CERS3: variants seen among roughly 807,000 people sequenced by gnomAD.
The protein encoded by CERS3 is LAG1 homolog, ceramide synthase 3.
In CERS3, 33 loss-of-function variants were observed where a neutral mutation model predicts 50.3. That is an observed-to-expected ratio of 0.66 (90% CI 0.50 to 0.88). The LOEUF is 0.88. Ranked by LOEUF, CERS3 falls within the 40% of genes least tolerant of loss-of-function variation. The pLI is 0.00. For missense variants in CERS3, 470 were observed against 460.3 expected (o/e 1.02, Z -0.19); for synonymous variants, 176 against 155.2 (o/e 1.13, Z -0.99).
At chr15:100,444,235 CA>C (rs1399627219) in intron 11 of CERS3, among the ~76,000 whole-genome samples, 1 of 152,146 alleles carries the variant, frequency 6.6e-6, no homozygotes, top group Non-Finnish European at 1.5e-5. Context: ...TCATAACTTC[CA>C]AAATCTATTT....
chr15:100,436,943 T>C (rs1017194858), intron 11 of CERS3, among the ~76,000 whole-genome samples: 2 of 124,288 alleles, frequency 1.6e-5, no homozygotes, highest in South Asian at 2.6e-4. Flanking sequence ...CTTTCCTGAC[T>C]TTTTTTTTTT....
intron 5 of CERS3, among the ~76,000 whole-genome samples, chr15:100,483,756 A>G (rs1047226023): frequency 6.4e-5 from 8 of 124,780 alleles, no homozygotes; most frequent in Middle Eastern, 3.9e-3. Context: ...CATTGGCAGA[A>G]GGATCAATAA....
At chr15:100,477,845 T>C (rs1269520128) in intron 7 of CERS3, among the ~76,000 whole-genome samples, 1 of 152,184 alleles carries the variant, frequency 6.6e-6, no homozygotes, top group African/African-American at 2.4e-5. Flanking sequence ...CCCTAGAATA[T>C]GGGTAAGTTG....
rs541833197 is a variant in CERS3, at chr15:100,402,806, TTCTTCCTCTTCC to T, written c.1047_1058del (p.Glu352_Glu355del). On this transcript the variant is annotated inframe_deletion, in exon 12 of 12. Transcript: ENST00000679737. ...TCTCTTTGCCTTTGGTAGCCTCTTC[TTCTTCCTCTTCC>T]TCTTCCTCTTCATAATCCTCGTCAT... is the stretch of plus-strand genomic sequence containing the variant. 1 of 1,613,994 alleles carries T rather than the reference TTCTTCCTCTTCC, an allele frequency of 6.2e-7. No homozygotes were observed. Among genetic ancestry groups the T allele is most frequent in the East Asian group, 2.2e-5 (1 of 44,868 alleles).
intron 5 of CERS3, among the ~76,000 whole-genome samples, chr15:100,481,732 C>A (rs767157227): frequency 6.6e-6 from 1 of 152,140 alleles, no homozygotes; most frequent in Non-Finnish European, 1.5e-5. Flanking sequence ...ATAAAACTTA[C>A]GGAAGTTTGA....
intron 11 of CERS3, among the ~76,000 whole-genome samples, chr15:100,435,346 C>G (rs2033348456): frequency 6.6e-6 from 1 of 152,112 alleles, no homozygotes; most frequent in South Asian, 2.1e-4. Flanking sequence ...ATGCCAGCAG[C>G]CAGAACCTCT....
intron 11 of CERS3, among the ~76,000 whole-genome samples, chr15:100,447,985 G>A (rs1249056294): frequency 6.6e-5 from 10 of 152,218 alleles, no homozygotes; most frequent in Admixed American, 5.9e-4. Flanking sequence ...ATTATTTAGA[G>A]AAGATGTTTT....
At chr15:100,517,027 C>T (rs2036509388) in intron 2 of CERS3, among the ~76,000 whole-genome samples, 2 of 152,242 alleles carry the variant, frequency 1.3e-5, no homozygotes, top group Non-Finnish European at 2.9e-5. Flanking sequence ...GCGATGTTTT[C>T]TAAGCCCTGA....
chr15:100,430,087 C>T (rs937930324), intron 11 of CERS3, among the ~76,000 whole-genome samples: 17 of 151,950 alleles, frequency 1.1e-4, no homozygotes, highest in Non-Finnish European at 2.1e-4. Flanking sequence ...CAGAGGTGGG[C>T]GGATCACGAG....
chr15:100,526,783 G>A (rs1026347908), intron 1 of CERS3, among the ~76,000 whole-genome samples: 1 of 151,972 alleles, frequency 6.6e-6, no homozygotes, highest in Non-Finnish European at 1.5e-5. Flanking sequence ...TTGTTCACTG[G>A]TGATACCCCC....
chr15:100,537,952 G>A (rs1292703332), intron 1 of CERS3, among the ~76,000 whole-genome samples: 1 of 152,172 alleles, frequency 6.6e-6, no homozygotes, highest in Non-Finnish European at 1.5e-5. Context: ...AGATACAATG[G>A]TGGTACAGGC....
intron 2 of CERS3, among the ~76,000 whole-genome samples, chr15:100,520,360 G>C (rs1315030004): frequency 2.0e-5 from 3 of 152,068 alleles, no homozygotes; most frequent in African/African-American, 4.8e-5. Flanking sequence ...CTGTCCACAG[G>C]GCCTTGGGAT....
At chr15:100,460,736 G>T (rs1441688108) in intron 10 of CERS3, among the ~76,000 whole-genome samples, 1 of 152,184 alleles carries the variant, frequency 6.6e-6, no homozygotes, top group African/African-American at 2.4e-5. Flanking sequence ...TCAGGGCCTT[G>T]CCCCTTACTA....
At chr15:100,484,849 C>T (rs2035440141) in intron 4 of CERS3, among the ~76,000 whole-genome samples, 181 bp from the exon 5 acceptor site, 1 of 152,086 alleles carries the variant, frequency 6.6e-6, no homozygotes, top group Non-Finnish European at 1.5e-5. Flanking sequence ...TGCACACATA[C>T]CAAAAAACAA....
At chr15:100,440,434 A>G (rs1014340058) in intron 11 of CERS3, among the ~76,000 whole-genome samples, 9 of 152,234 alleles carry the variant, frequency 5.9e-5, no homozygotes, top group African/African-American at 2.2e-4. Flanking sequence ...CCTGCCCACC[A>G]GAGAACAAAC....
chr15:100,420,088 G>C (rs958519365), intron 11 of CERS3, among the ~76,000 whole-genome samples: 3 of 144,358 alleles, frequency 2.1e-5, no homozygotes, highest in Admixed American at 7.0e-5. Flanking sequence ...AATCAGAGCA[G>C]AACTGAAGGA....
intron 11 of CERS3, among the ~76,000 whole-genome samples, chr15:100,448,972 C>T (rs571785850): frequency 6.6e-6 from 1 of 152,288 alleles, no homozygotes; most frequent in South Asian, 2.1e-4. Flanking sequence ...CAACCACCTG[C>T]AGGTGCTGCC....
intron 11 of CERS3, 88 bp from the exon 12 acceptor site, chr15:100,402,953 T>C (rs1278768448): frequency 1.5e-6 from 2 of 1,340,640 alleles, no homozygotes; most frequent in Admixed American, 2.3e-5. Context: ...CAAGTATGGC[T>C]CCCTTTAAGG....
rs56093814 is a variant in CERS3, at chr15:100,512,372, C to T, written c.-2+9295G>A. The stretch of plus-strand genomic sequence containing the variant: ...GCACACAGTGAAGGGCTCCAGCAAC[C>T]CCCAGCTGCCAGCAGATTTCAGCAC... On this transcript the variant is annotated intron_variant, in intron 2 of 11. Coordinates refer to ENST00000679737, the MANE Select transcript of CERS3 (RefSeq NM_001378789.1). Among the ~76,000 whole-genome samples the T allele has an allele frequency of 3.9e-3, 601 of 152,268 alleles. 3 individuals are homozygous for T. The highest frequency in any genetic ancestry group is 6.5e-3 in the Non-Finnish European group (439 of 68,018).
Sources: gnomAD v4.1 joint callset for allele counts (sites outside exome capture counted in the v4.1 genomes callset) on GRCh38, gnomAD v4.1.1 for gene constraint, MANE v1.5 for transcripts, NCBI Gene and HGNC (gene_info 2026-07-23, HGNC 2026-07-21) for gene names.